The following ELP4 variants were observed in gnomAD, a reference collection of about 807,000 sequenced individuals.
ELP4 encodes the protein elongator complex protein 4.
A neutral mutation model predicts 48.9 loss-of-function variants in ELP4; 51 were observed. That is an observed-to-expected ratio of 1.04 (90% CI 0.83 to 1.32). ELP4 has a LOEUF of 1.32. Ranked by LOEUF, ELP4 falls within the 40% of genes most tolerant of loss-of-function variation. ELP4 has a pLI of 0.00. For missense variants in ELP4, 519 were observed against 514.6 expected (o/e 1.01, Z -0.08); for synonymous variants, 210 against 189.2 (o/e 1.11, Z -0.90).
At chr11:31,681,197 T>C (rs752557789) in intron 9 of ELP4, among the ~76,000 whole-genome samples, 1 of 152,190 alleles carries the variant, frequency 6.6e-6, no homozygotes, top group African/African-American at 2.4e-5. Context: ...CTGAAATATA[T>C]ATTCAAGCTG....
At chr11:31,741,490 A>AC (rs1196213136) in intron 9 of ELP4, among the ~76,000 whole-genome samples, 6 of 151,938 alleles carry the variant, frequency 3.9e-5, no homozygotes, top group African/African-American at 1.5e-4. Context: ...ACTGGGAGAC[A>AC]CCCCCCAGTA....
intron 9 of ELP4, among the ~76,000 whole-genome samples, chr11:31,716,580 A>T (rs544240464): frequency 6.6e-6 from 1 of 152,240 alleles, no homozygotes; most frequent in Non-Finnish European, 1.5e-5. Context: ...GTAGCCCATC[A>T]GTGATCCATT....
At chr11:31,727,432 T>C (rs1312784486) in intron 9 of ELP4, among the ~76,000 whole-genome samples, 8 of 152,122 alleles carry the variant, frequency 5.3e-5, no homozygotes, top group Non-Finnish European at 8.8e-5. Context: ...CCTTAAAGAA[T>C]AGAAGATAAG....
intron 3 of ELP4, among the ~76,000 whole-genome samples, chr11:31,563,443 A>G (rs1200257274): frequency 6.6e-6 from 1 of 152,184 alleles, no homozygotes; most frequent in Non-Finnish European, 1.5e-5. Context: ...TATAGCAGTA[A>G]GAACAGAAAG....
intron 9 of ELP4, chr11:31,662,749 C>T (rs1310988714): frequency 2.6e-6 from 1 of 391,168 alleles, no homozygotes; most frequent in Admixed American, 4.4e-5. Context: ...GTGTAATTTG[C>T]ACTTGTAGAA....
intron 9 of ELP4, among the ~76,000 whole-genome samples, chr11:31,673,414 T>C (rs1477200686): frequency 6.6e-6 from 1 of 152,164 alleles, no homozygotes; most frequent in African/African-American, 2.4e-5. Context: ...CACTGCAGCC[T>C]CAAATTCCTG....
At chr11:31,742,867 A>G (rs1215115277) in intron 9 of ELP4, among the ~76,000 whole-genome samples, 2 of 152,186 alleles carry the variant, frequency 1.3e-5, no homozygotes, top group African/African-American at 4.8e-5. Flanking sequence ...ACCAGCTAAC[A>G]TCATAATGAC....
intron 9 of ELP4, among the ~76,000 whole-genome samples, chr11:31,760,265 C>G (rs1399777888): frequency 6.6e-6 from 1 of 152,170 alleles, no homozygotes; most frequent in African/African-American, 2.4e-5. Context: ...ATTTATTTGG[C>G]CTGCTGTTTC....
In ELP4 at chr11:31,602,501, A is replaced by C. The variant is rs1004279190; in HGVS notation, c.514-1267A>C. On this transcript the variant is annotated intron_variant, in intron 4 of 9. Coordinates refer to ENST00000640961, the MANE Select transcript of ELP4 (RefSeq NM_019040.5). ...ATAGCATATCTTATTAATGAAAGTA[A>C]GTAGTACCTTATGGAGGGATGAACG... is the stretch of plus-strand genomic sequence containing the variant. 4.6e-5 allele frequency among the ~76,000 whole-genome samples: 7 copies of C among 152,156 alleles called. No individual in the cohort carries two copies. In the East Asian group the frequency reaches 1.3e-3, roughly 29 times the overall value.
At chr11:31,780,076 C>T (rs1399534365) in intron 9 of ELP4, 1 of 152,070 alleles carries the variant, frequency 6.6e-6, no homozygotes, top group Non-Finnish European at 1.5e-5. Context: ...TTCTTTAAAC[C>T]ATTACTCAGT....
chr11:31,682,030 C>T (rs547744087), intron 9 of ELP4: 7 of 1,289,478 alleles, frequency 5.4e-6, no homozygotes, highest in East Asian at 6.1e-5. Flanking sequence ...CATGAGCTAC[C>T]GCGCCCGGCC....
intron 2 of ELP4, among the ~76,000 whole-genome samples, chr11:31,535,544 T>C (rs1956485504): frequency 1.3e-5 from 2 of 152,114 alleles, no homozygotes; most frequent in Non-Finnish European, 2.9e-5. Context: ...GAGGTATCAC[T>C]GTATTGCTCA....
Position 31,790,090 on chromosome 11 carries a change from AG to A in ELP4, c.*6568del. ...AAACAGACATGGAATACAAATTTAT[AG>A]GTTTACAAAAAAAAAAAAAAAAAAA... On this transcript the variant is annotated 3_prime_UTR_variant, in exon 10 of 10. Coordinates refer to ENST00000640961, the MANE Select transcript of ELP4 (RefSeq NM_019040.5). The A allele has an allele frequency of 4.0e-6, 1 of 252,788 alleles. No homozygotes were observed. Among genetic ancestry groups the A allele is most frequent in the East Asian group, 9.9e-5 (1 of 10,150 alleles). The allele number at this position is 252,788 out of a possible 1,614,324, so 15.7% of individuals were successfully genotyped here.
intron 1 of ELP4, 71 bp from the exon 2 acceptor site, chr11:31,519,985 A>C: frequency 2.0e-6 from 3 of 1,485,650 alleles, no homozygotes; most frequent in Non-Finnish European, 1.9e-6. Context: ...TTCCTTCATA[A>C]AGCCTAACTT....
intron 9 of ELP4, among the ~76,000 whole-genome samples, chr11:31,673,209 G>A (rs1945846605): frequency 6.6e-6 from 1 of 152,082 alleles, no homozygotes; most frequent in African/African-American, 2.4e-5. Context: ...TAGAGATGGG[G>A]TTTCGCCATG....
chr11:31,688,354 T>G (rs1946206528), intron 9 of ELP4, among the ~76,000 whole-genome samples: 1 of 152,212 alleles, frequency 6.6e-6, no homozygotes, highest in South Asian at 2.1e-4. Flanking sequence ...CCAGGACCAA[T>G]TTTCTACTTA....
chr11:31,609,584 C>T (rs1327658380), intron 5 of ELP4, among the ~76,000 whole-genome samples: 3 of 151,868 alleles, frequency 2.0e-5, no homozygotes, highest in African/African-American at 7.3e-5. Context: ...TTAAGGCCTG[C>T]GATGAGACAA....
chr11:31,520,735 T>G (rs536753931), intron 2 of ELP4, among the ~76,000 whole-genome samples: 27 of 152,232 alleles, frequency 1.8e-4, no homozygotes, highest in Non-Finnish European at 3.5e-4. Context: ...TTTACGTAGT[T>G]TTTCACGTGA....
chr11:31,746,497 A>C (rs1382240593), intron 9 of ELP4, among the ~76,000 whole-genome samples: 1 of 152,250 alleles, frequency 6.6e-6, no homozygotes, highest in African/African-American at 2.4e-5. Flanking sequence ...GTAAATGTCC[A>C]ACAACAATAG....
Sources: gnomAD v4.1 joint callset for allele counts (sites outside exome capture counted in the v4.1 genomes callset) on GRCh38, gnomAD v4.1.1 for gene constraint, MANE v1.5 for transcripts, NCBI Gene and HGNC (gene_info 2026-07-23, HGNC 2026-07-21) for gene names.